The following CDC14B variants were observed in gnomAD, a reference collection of about 807,000 sequenced individuals.
The protein encoded by CDC14B is dual specificity protein phosphatase CDC14B.
A neutral mutation model predicts 64.2 loss-of-function variants in CDC14B; 22 were observed. That is an observed-to-expected ratio of 0.34 (90% CI 0.24 to 0.49). CDC14B has a LOEUF of 0.49. CDC14B is among the 20% of genes least tolerant of loss of function. The pLI is 0.99. For synonymous variants in CDC14B, 191 were observed against 215.8 expected (o/e 0.89, Z 1.01); for missense variants, 498 against 629.9 (o/e 0.79, Z 2.24).
At chr9:96,574,912 G>T (rs1387164007) in intron 1 of CDC14B, among the ~76,000 whole-genome samples, 1 of 152,158 alleles carries the variant, frequency 6.6e-6, no homozygotes, top group Non-Finnish European at 1.5e-5. Context: ...GATAAGAAAT[G>T]CACAAGATGA....
At chr9:96,520,218 C>T (rs1489865932) in intron 12 of CDC14B, among the ~76,000 whole-genome samples, 1 of 152,184 alleles carries the variant, frequency 6.6e-6, no homozygotes, top group Non-Finnish European at 1.5e-5. Flanking sequence ...TAGCATTTCG[C>T]TTTCTTCTTT....
rs1406532153 is a variant in CDC14B, at chr9:96,619,540, C to G, written c.-162G>C. 5.5e-6 allele frequency: 1 copy of G among 183,032 alleles called. No individual in the cohort carries two copies. Among genetic ancestry groups the G allele is most frequent in the Non-Finnish European group, 1.0e-5 (1 of 99,564 alleles). The allele number at this position is 183,032 out of a possible 1,614,324, so 11.3% of individuals were successfully genotyped here. ...CAGAGCCCGGCGGGAGGCGGTCGCG[C>G]AGGAGCCGGAGGAGGAGCCCGGCCC... is the stretch of plus-strand genomic sequence containing the variant. On this transcript the variant is annotated 5_prime_UTR_variant, in exon 1 of 14. Transcript: ENST00000375241.
chr9:96,598,547 G>A (rs1302453755), intron 1 of CDC14B, among the ~76,000 whole-genome samples: 1 of 152,122 alleles, frequency 6.6e-6, no homozygotes, highest in Non-Finnish European at 1.5e-5. Flanking sequence ...ATCTTGGCCA[G>A]GCTGGTTTTG....
rs1035073883 is a variant in CDC14B at position 96,563,936 on chromosome 9, T to C, written c.327+841A>G. Among the ~76,000 whole-genome samples the C allele has an allele frequency of 2.0e-5, 3 of 151,622 alleles. 1 individual carries two copies. Among genetic ancestry groups the C allele is most frequent in the African/African-American group, 7.3e-5 (3 of 41,250 alleles). The stretch of plus-strand genomic sequence containing the variant: ...ATTTAAGAAAGGCAAAAAAGAAGAG[T>C]CTCCAGCTCTGTAGCAATATAGCTT... On this transcript the variant is annotated intron_variant, in intron 3 of 13. Coordinates refer to ENST00000375241, the MANE Select transcript of CDC14B (RefSeq NM_033331.4).
chr9:96,560,825 G>A (rs1454605672), intron 4 of CDC14B, among the ~76,000 whole-genome samples: 1 of 151,150 alleles, frequency 6.6e-6, no homozygotes, highest in Admixed American at 6.6e-5. Flanking sequence ...TGGGAGAAAG[G>A]AAAACACCAA....
At chr9:96,493,854 C>A (rs1216130899) in intron 13 of CDC14B, among the ~76,000 whole-genome samples, 2 of 152,162 alleles carry the variant, frequency 1.3e-5, no homozygotes, top group Non-Finnish European at 2.9e-5. Flanking sequence ...GCCTTGTAAC[C>A]ACGTTTTCCT....
intron 1 of CDC14B, among the ~76,000 whole-genome samples, chr9:96,582,662 T>A (rs878947865): frequency 6.6e-6 from 1 of 152,162 alleles, no homozygotes; most frequent in Non-Finnish European, 1.5e-5. Flanking sequence ...AAGGCCTTAC[T>A]AAAAAAATTA....
chr9:96,614,662 A>G (rs1181548713), intron 1 of CDC14B, among the ~76,000 whole-genome samples: 1 of 152,034 alleles, frequency 6.6e-6, no homozygotes, highest in Admixed American at 6.6e-5. Context: ...AAGGGATGGG[A>G]AAATAGAGAT....
chr9:96,512,952 CAAG>C (rs1476485966), intron 12 of CDC14B, among the ~76,000 whole-genome samples: 1 of 151,748 alleles, frequency 6.6e-6, no homozygotes, highest in Non-Finnish European at 1.5e-5. Context: ...GAGAAAAAAA[CAAG>C]AGCTGATACA....
intron 9 of CDC14B, among the ~76,000 whole-genome samples, chr9:96,526,786 T>C (rs552101193): frequency 8.3e-4 from 127 of 152,304 alleles, no homozygotes; most frequent in Middle Eastern, 3.4e-3. Flanking sequence ...TCCTGTGCGC[T>C]GTAGGATGTT....
chr9:96,566,892 C>T (rs1432947437), intron 1 of CDC14B: 3 of 1,552,606 alleles, frequency 1.9e-6, no homozygotes, highest in East Asian at 2.4e-5. Flanking sequence ...GCGACCACAC[C>T]CCCGAAGTTT....
rs1835513722 is a variant in CDC14B at position 96,515,524 on chromosome 9, A to G, written c.1344-5735T>C. Reference sequence around the variant, plus strand: ...TCCCATTAATTGAAAAGATTCAGAAAAAGAACCTTTGAAAATAGGCAAACC... The same window carrying G: ...TCCCATTAATTGAAAAGATTCAGAAGAAGAACCTTTGAAAATAGGCAAACC... On this transcript the variant is annotated intron_variant, in intron 12 of 13. Coordinates refer to ENST00000375241, the MANE Select transcript of CDC14B (RefSeq NM_033331.4). This position sits in a 1 kb window ranked among gnomAD's most constrained non-coding sequence, Gnocchi z 4.3. 1 of 964,680 alleles carries G rather than the reference A, an allele frequency of 1.0e-6. No homozygotes were observed. Among genetic ancestry groups the G allele is most frequent in the African/African-American group, 1.6e-5 (1 of 60,680 alleles). The allele number at this position is 964,680 out of a possible 1,614,324, so 59.8% of individuals were successfully genotyped here.
At chr9:96,519,221 T>C (rs1290623654) in intron 12 of CDC14B, among the ~76,000 whole-genome samples, 1 of 152,138 alleles carries the variant, frequency 6.6e-6, no homozygotes, top group East Asian at 1.9e-4. Flanking sequence ...ACCAAAACCA[T>C]CAGTATGCAG....
intron 9 of CDC14B, among the ~76,000 whole-genome samples, chr9:96,528,969 G>A (rs576885485): frequency 7.2e-5 from 11 of 152,204 alleles, no homozygotes; most frequent in Admixed American, 1.3e-4. Context: ...GTTTTTAGGC[G>A]TTTTCTCTAT....
chr9:96,497,954 A>G (rs1267848852), downstream of CDC14B, among the ~76,000 whole-genome samples: 1 of 152,224 alleles, frequency 6.6e-6, no homozygotes, highest in Non-Finnish European at 1.5e-5. Flanking sequence ...GTGTACAGCA[A>G]AAGCTTTAAC....
chr9:96,617,994 C>T (rs1328094060), intron 1 of CDC14B, among the ~76,000 whole-genome samples: 1 of 152,178 alleles, frequency 6.6e-6, no homozygotes, highest in African/African-American at 2.4e-5. Context: ...GCACACCCCC[C>T]GCAGCTACCG....
downstream of CDC14B, chr9:96,496,173 C>T (rs1193865697): frequency 7.2e-6 from 3 of 418,164 alleles, no homozygotes; most frequent in African/African-American, 2.0e-5. Context: ...GGGCTGATGG[C>T]TCAATACCCA....
rs114145101 is a variant in CDC14B, at chr9:96,521,557, C to A, written c.1343+949G>T. The stretch of plus-strand genomic sequence containing the variant: ...TAAGAAGAACCTCCCAGGGGAGCAA[C>A]CCATAATGACACATGCCTTAGGTGT... On this transcript the variant is annotated intron_variant, in intron 12 of 13. Coordinates refer to ENST00000375241, the MANE Select transcript of CDC14B (RefSeq NM_033331.4). Among the ~76,000 whole-genome samples the A allele has an allele frequency of 4.7e-3, 715 of 152,278 alleles. 6 individuals carry two copies. The highest frequency in any genetic ancestry group is 0.016 in the African/African-American group (679 of 41,558).
intron 1 of CDC14B, among the ~76,000 whole-genome samples, chr9:96,596,650 C>G (rs914519341): frequency 1.3e-5 from 2 of 151,912 alleles, no homozygotes; most frequent in African/African-American, 2.4e-5. Context: ...TGCTTGGGCC[C>G]GGAAGTTGGA....
Sources: gnomAD v4.1 joint callset for allele counts (sites outside exome capture counted in the v4.1 genomes callset) on GRCh38, gnomAD v4.1.1 for gene constraint, Gnocchi (gnomAD v3.1) non-coding constraint, MANE v1.5 for transcripts, NCBI Gene and HGNC (gene_info 2026-07-23, HGNC 2026-07-21) for gene names.